The following NAPA variants were observed in gnomAD, a reference collection of about 807,000 sequenced individuals.
The protein encoded by NAPA is alpha-soluble NSF attachment protein.
NAPA carries 18 observed loss-of-function variants against 48.0 expected under a neutral mutation model. The observed-to-expected ratio is 0.38, with a 90% CI of 0.26 to 0.56. The LOEUF (loss-of-function observed/expected upper bound fraction) is 0.56, where lower values mean the gene tolerates loss of function less well. Ranked by LOEUF, NAPA falls within the 20% of genes least tolerant of loss-of-function variation. The pLI is 0.77. For synonymous variants in NAPA, 152 were observed against 149.9 expected (o/e 1.01, Z -0.10); for missense variants, 315 against 385.0 (o/e 0.82, Z 1.52).
At chr19:47,496,649 C>T in intron 3 of NAPA, 1 of 273,258 alleles carries the variant, frequency 3.7e-6, no homozygotes, top group Non-Finnish European at 7.5e-6. Context: ...GTCACCCAGG[C>T]CATGTTCGCC....
intron 2 of NAPA, among the ~76,000 whole-genome samples, chr19:47,501,961 G>A (rs776867554): frequency 5.3e-5 from 8 of 152,122 alleles, no homozygotes; most frequent in African/African-American, 1.4e-4. Flanking sequence ...ATAAAATTAC[G>A]GCCAGGCGCG....
chr19:47,498,021 A>G (rs1451416476), intron 3 of NAPA, among the ~76,000 whole-genome samples: 1 of 152,188 alleles, frequency 6.6e-6, no homozygotes, highest in African/African-American at 2.4e-5. Context: ...CCAATAACAC[A>G]TATGAGCATC....
At chr19:47,500,510 TGCCAGCCTATCACATGTCG>T in intron 3 of NAPA, 104 bp downstream of exon 3, 1 of 721,172 alleles carries the variant, frequency 1.4e-6, no homozygotes. Flanking sequence ...GGCACGCCCC[TGCCAGCCTATCACATGTCG>T]GCCACTGGAA....
rs756883314 is a variant in NAPA, at chr19:47,495,581, A to G, written c.311T>C (p.Leu104Ser). The G allele has an allele frequency of 6.6e-7, 1 of 1,516,566 alleles. No homozygotes were observed. The highest frequency in any genetic ancestry group is 1.2e-5 in the South Asian group (1 of 80,184). 93.9% of individuals were successfully genotyped at this position (1,516,566 alleles called of 1,614,324 possible). ...KADPQEAINC[L>S]MRAIEIYTDM... ...TGTGTAGATCTCGATTGCTCGCATC[A>G]AACAGTTAATGGCCTCTGGAGAGAA... is the stretch of plus-strand genomic sequence containing the variant. Residue 104 changes from leucine to serine, a missense_variant, in exon 4 of 11, where the codon TTG (leucine) becomes TCG (serine). Physicochemically the swap from Leu to Ser is moderately radical, Grantham distance 145. This residue lies in a region of NAPA where 173 missense variants were observed against 213.5 expected (regional missense o/e 0.81). Transcript: ENST00000263354.
chr19:47,489,617 G>T, intron 10 of NAPA, 94 bp downstream of exon 10: 1 of 1,380,470 alleles, frequency 7.2e-7, no homozygotes, highest in Non-Finnish European at 1.0e-6. Flanking sequence ...CAGATGAAAT[G>T]GGTGAATGTC....
downstream of NAPA, among the ~76,000 whole-genome samples, chr19:47,486,141 G>A (rs1968070174): frequency 6.6e-6 from 1 of 152,110 alleles, no homozygotes; most frequent in African/African-American, 2.4e-5. Context: ...GATCAACTGA[G>A]GTCAGGAGTT....
Position 47,493,715 on chromosome 19 carries a change from T to C in NAPA, c.343-222A>G, listed in dbSNP as rs1968343374. Reference sequence around the variant, plus strand: ...TATGCGTGCTGGGCTGAGCGGGTGATGTTGGACAAGCCACTCCAGGGCCTT... The same window carrying C: ...TATGCGTGCTGGGCTGAGCGGGTGACGTTGGACAAGCCACTCCAGGGCCTT... On this transcript the variant is annotated intron_variant, in intron 4 of 10. Transcript: ENST00000263354. This position sits in a 1 kb window ranked among gnomAD's most constrained non-coding sequence, Gnocchi z 6.4. 1 of 562,734 alleles carries C rather than the reference T, an allele frequency of 1.8e-6. No individual in the cohort carries two copies. 34.9% of individuals were successfully genotyped at this position (562,734 alleles called of 1,614,324 possible).
chr19:47,504,739 A>C (rs1266936606), intron 1 of NAPA, among the ~76,000 whole-genome samples: 9 of 151,874 alleles, frequency 5.9e-5, no homozygotes, highest in Non-Finnish European at 1.3e-4. Context: ...ATACACAGAC[A>C]CACACACACA....
At chr19:47,495,911 G>T in intron 3 of NAPA, 1 of 373,684 alleles carries the variant, frequency 2.7e-6, no homozygotes, top group South Asian at 2.6e-5. Context: ...GGGCACAGCA[G>T]TGCTAGGCCA....
intron 9 of NAPA, among the ~76,000 whole-genome samples, chr19:47,490,263 G>A (rs886368073): frequency 4.1e-5 from 6 of 147,164 alleles, no homozygotes; most frequent in Admixed American, 6.8e-5. Flanking sequence ...GGGGTGTGTC[G>A]TGTGGTGTGT....
intron 1 of NAPA, among the ~76,000 whole-genome samples, chr19:47,510,758 G>A (rs933349043): frequency 6.6e-6 from 1 of 152,210 alleles, no homozygotes; most frequent in African/African-American, 2.4e-5. Context: ...GCAGCAGGGA[G>A]GAGGAACTAG....
chr19:47,501,503 T>G (rs1215617719), intron 2 of NAPA: 1 of 152,188 alleles, frequency 6.6e-6, no homozygotes, highest in Non-Finnish European at 1.5e-5. Flanking sequence ...CTCATGGAGT[T>G]GGGGTCGGAC....
In NAPA at chr19:47,488,279, G is replaced by T. The variant is rs562098167; in HGVS notation, c.*9C>A. ...ACAGGAAGACGGGCACTGGGGGGCT[G>T]GGTGGGGCTTAGCGCAGGTCCTCCT... On this transcript the variant is annotated 3_prime_UTR_variant, in exon 11 of 11. Transcript: ENST00000263354. 1.1e-5 allele frequency: 17 copies of T among 1,606,418 alleles called. No homozygotes were observed. In the South Asian group the frequency reaches 1.8e-4, roughly 17 times the overall value.
intron 1 of NAPA, among the ~76,000 whole-genome samples, chr19:47,509,289 A>AAAAATAAAATAAAAT (rs542864086): frequency 1.8e-4 from 23 of 129,518 alleles, no homozygotes; most frequent in African/African-American, 7.2e-4. Context: ...TTGTGGTGGT[A>AAAAATAAAATAAAAT]AAAATAAAAT....
At chr19:47,504,997 C>T (rs1407849429) in intron 1 of NAPA, among the ~76,000 whole-genome samples, 3 of 152,200 alleles carry the variant, frequency 2.0e-5, no homozygotes, top group Non-Finnish European at 2.9e-5. Context: ...TTGACCTCCA[C>T]ATGTACATAA....
intron 3 of NAPA, among the ~76,000 whole-genome samples, chr19:47,498,313 GCA>G (rs1410977759): frequency 6.6e-6 from 1 of 152,198 alleles, no homozygotes; most frequent in Non-Finnish European, 1.5e-5. Context: ...GTCTCACAAG[GCA>G]CCCGGCCAAG....
intron 2 of NAPA, 121 bp from the exon 3 acceptor site, chr19:47,500,870 A>C (rs1968560654): frequency 1.4e-6 from 1 of 691,550 alleles, no homozygotes. Context: ...TCCCCAAGAC[A>C]GGACGAGGGT....
In NAPA at chr19:47,493,558, T is replaced by A; in HGVS notation, c.343-65A>T. 1 of 1,453,990 alleles carries A rather than the reference T, an allele frequency of 6.9e-7. No individual in the cohort carries two copies. The highest frequency in any genetic ancestry group is 9.6e-7 in the Non-Finnish European group (1 of 1,039,144). The allele number at this position is 1,453,990 out of a possible 1,614,324, so 90.1% of individuals were successfully genotyped here. ...CCTCCTGCGTGCCTGCCTGCTGACC[T>A]ATGACCCTTCAAGTTCCCACCCCTC... On this transcript the variant is annotated intron_variant, in intron 4 of 10. Transcript: ENST00000263354. This position sits in a 1 kb window ranked among gnomAD's most constrained non-coding sequence, Gnocchi z 6.4.
intron 1 of NAPA, 89 bp downstream of exon 1, chr19:47,514,754 G>C (rs947927888): frequency 3.5e-5 from 45 of 1,286,746 alleles, no homozygotes; most frequent in Non-Finnish European, 4.1e-5. Flanking sequence ...CTCGGCCCGA[G>C]CTCTGCGTGC....
Sources: allele counts gnomAD v4.1 joint callset (sites outside exome capture counted in the v4.1 genomes callset), GRCh38; gene constraint gnomAD v4.1.1; regional missense constraint gnomAD v4.1.1; non-coding constraint Gnocchi (gnomAD v3.1); transcripts MANE v1.5; gene names NCBI Gene and HGNC (gene_info 2026-07-23, HGNC 2026-07-21).